ERG: variants seen among roughly 807,000 people sequenced by gnomAD.
The protein encoded by ERG is transcriptional regulator ERG.
In ERG, 9 loss-of-function variants were observed where a neutral mutation model predicts 55.3. That is an observed-to-expected ratio of 0.16 (90% CI 0.10 to 0.28). The LOEUF is 0.28. Among genes scored for constraint, ERG ranks in the 10% least tolerant of loss-of-function variants. The pLI, the probability that ERG is intolerant of heterozygous loss-of-function variation, is 1.00. For synonymous variants in ERG, 223 were observed against 237.3 expected, an observed-to-expected ratio of 0.94 and a Z score of 0.55; for missense variants, 434 against 631.6, an observed-to-expected ratio of 0.69 and a Z score of 3.35.
At chr21:38,402,006 T>TTC (rs1988519235) in intron 5 of ERG, among the ~76,000 whole-genome samples, 1 of 152,214 alleles carries the variant, frequency 6.6e-6, no homozygotes, top group Admixed American at 6.5e-5. Flanking sequence ...AGGTTCCCTC[T>TTC]GAACAAAAGC....
chr21:38,571,206 T>C (rs904826924), intron 2 of ERG, among the ~76,000 whole-genome samples: 5 of 152,100 alleles, frequency 3.3e-5, no homozygotes, highest in African/African-American at 9.7e-5. Context: ...GTGCATGATA[T>C]GGTAGTTAGT....
intron 2 of ERG, among the ~76,000 whole-genome samples, chr21:38,543,190 T>C (rs895602806): frequency 3.9e-5 from 6 of 152,140 alleles, no homozygotes; most frequent in African/African-American, 1.4e-4. Context: ...ATCTAAAATG[T>C]ATATTATGCT....
In ERG at chr21:38,545,302, G is replaced by A. The variant is rs376355099; in HGVS notation, c.-41+30360C>T. ...CTTTCAACCTGGACCTCCCACTCTT[G>A]GGATTTCTCAATAGCTTCACCTGTA... On this transcript the variant is annotated intron_variant, in intron 2 of 8. Transcript: ENST00000398897. 2.0e-4 allele frequency among the ~76,000 whole-genome samples: 30 copies of A among 152,178 alleles called. No homozygotes were observed. The South Asian group carries it at 6.2e-3, about 32-fold the overall frequency.
upstream of ERG, among the ~76,000 whole-genome samples, chr21:38,588,765 T>C (rs1310369738): frequency 2.0e-5 from 3 of 152,174 alleles, no homozygotes; most frequent in Admixed American, 6.5e-5. Context: ...TCATCCAGGC[T>C]GGTGTGCAGT....
intron 1 of ERG, among the ~76,000 whole-genome samples, chr21:38,594,061 A>C (rs2060117169): frequency 6.6e-6 from 1 of 152,192 alleles, no homozygotes. Context: ...TGTGCTCTTT[A>C]AGGGTGGGGA....
chr21:38,555,795 A>G (rs2059855047), intron 2 of ERG, among the ~76,000 whole-genome samples: 2 of 152,230 alleles, frequency 1.3e-5, no homozygotes, highest in Non-Finnish European at 2.9e-5. Context: ...AAATTATAAA[A>G]ATACAATAAC....
At chr21:38,452,998 C>T (rs1399724087) in intron 1 of ERG, among the ~76,000 whole-genome samples, 2 of 152,156 alleles carry the variant, frequency 1.3e-5, no homozygotes, top group African/African-American at 4.8e-5. Flanking sequence ...TATTACAGCC[C>T]CATCATAATG....
At chr21:38,379,062 C>A (rs1252839514), downstream of ERG, among the ~76,000 whole-genome samples, 1 of 152,236 alleles carries the variant, frequency 6.6e-6, no homozygotes. Flanking sequence ...AGTCTTTTCA[C>A]ATGTGCTGCT....
intron 1 of ERG, among the ~76,000 whole-genome samples, chr21:38,454,698 C>T (rs894061348): frequency 1.3e-5 from 2 of 152,230 alleles, no homozygotes; most frequent in African/African-American, 4.8e-5. Context: ...CAAACCTCTG[C>T]ATGTGAACCA....
intron 2 of ERG, among the ~76,000 whole-genome samples, chr21:38,537,427 T>A (rs1331265457): frequency 1.0e-5 from 1 of 98,850 alleles, no homozygotes; most frequent in African/African-American, 3.7e-5. Context: ...AAGGGATTAA[T>A]ATCCAGAAAA....
chr21:38,591,444 T>C (rs1601287750), intron 1 of ERG, among the ~76,000 whole-genome samples: 1 of 152,128 alleles, frequency 6.6e-6, no homozygotes, highest in East Asian at 1.9e-4. Context: ...TGCCACAGGG[T>C]GCAGTGGCTC....
chr21:38,452,364 C>T (rs1443744730), intron 1 of ERG, among the ~76,000 whole-genome samples: 3 of 152,110 alleles, frequency 2.0e-5, no homozygotes, highest in African/African-American at 2.4e-5. Flanking sequence ...TACAGATACG[C>T]ACATGCATAT....
At chr21:38,619,250 C>T (rs1207887602) in intron 1 of ERG, among the ~76,000 whole-genome samples, 1 of 152,210 alleles carries the variant, frequency 6.6e-6, no homozygotes, top group African/African-American at 2.4e-5. Flanking sequence ...AGCCCACACA[C>T]CTGGTATCCA....
At chr21:38,367,602 C>T in the ERG span, 12 of 522,608 alleles carry the variant, frequency 2.3e-5, no homozygotes, top group South Asian at 1.9e-4. Context: ...CACACACTGT[C>T]ACATCTGCTA....
At chr21:38,583,731 C>T (rs1055869502) in intron 1 of ERG, among the ~76,000 whole-genome samples, 1 of 151,566 alleles carries the variant, frequency 6.6e-6, no homozygotes, top group Non-Finnish European at 1.5e-5. Flanking sequence ...GATCCACTTA[C>T]AAAAAAAGGG....
chr21:38,597,156 T>C (rs937821872), intron 1 of ERG, among the ~76,000 whole-genome samples: 1 of 152,314 alleles, frequency 6.6e-6, no homozygotes. Flanking sequence ...CAGTCTACAA[T>C]TGTGTAAACT....
rs1346371075 is a variant in ERG at position 38,460,223 on chromosome 21, G to A, written c.19-14602C>T. 1.3e-5 allele frequency among the ~76,000 whole-genome samples: 2 copies of A among 152,150 alleles called. No homozygotes were observed. Among genetic ancestry groups the A allele is most frequent in the African/African-American group, 4.8e-5 (2 of 41,434 alleles). The stretch of plus-strand genomic sequence containing the variant: ...CCAGGGAGGAGGGGTTACTGGAAAG[G>A]AGCGAAAGAAAGAACCAGGAGGTGA... On this transcript the variant is annotated intron_variant, in intron 1 of 9. Transcript: ENST00000288319. This position sits in a 1 kb window ranked among gnomAD's most constrained non-coding sequence, Gnocchi z 5.0.
the ERG span, among the ~76,000 whole-genome samples, chr21:38,372,581 G>A: frequency 6.6e-6 from 1 of 150,686 alleles, no homozygotes; most frequent in Admixed American, 6.6e-5. Context: ...TTTCTTTTTT[G>A]AAACGTTAGT....
chr21:38,614,356 T>G (rs2060246407), intron 1 of ERG, among the ~76,000 whole-genome samples: 1 of 152,152 alleles, frequency 6.6e-6, no homozygotes, highest in East Asian at 1.9e-4. Flanking sequence ...CAAATTACAT[T>G]CCCAGGCTTC....
Sources: allele counts gnomAD v4.1 joint callset (sites outside exome capture counted in the v4.1 genomes callset), GRCh38; gene constraint gnomAD v4.1.1; non-coding constraint Gnocchi (gnomAD v3.1); transcripts MANE v1.5; gene names NCBI Gene and HGNC (gene_info 2026-07-23, HGNC 2026-07-21).